FNDC1: variants seen among roughly 807,000 people sequenced by gnomAD.
FNDC1 encodes the protein fibronectin type III domain-containing protein 1.
A neutral mutation model predicts 168.0 loss-of-function variants in FNDC1; 96 were observed. The observed-to-expected ratio is 0.57, with a 90% CI of 0.48 to 0.68. The LOEUF (loss-of-function observed/expected upper bound fraction) is 0.68, where lower values mean the gene tolerates loss of function less well. Among genes scored for constraint, FNDC1 ranks in the 30% least tolerant of loss-of-function variants. The pLI, the probability that FNDC1 is intolerant of heterozygous loss-of-function variation, is 0.00. For missense variants in FNDC1, 2,587 were observed against 2,482.1 expected (o/e 1.04, Z -0.90); for synonymous variants, 1,099 against 1,025.9 (o/e 1.07, Z -1.36).
chr6:159,207,100 CA>C (rs1782501101), intron 4 of FNDC1, among the ~76,000 whole-genome samples: 1 of 152,134 alleles, frequency 6.6e-6, no homozygotes, highest in African/African-American at 2.4e-5. Flanking sequence ...TCCCTGCTGG[CA>C]CCCCCCCACC....
intron 12 of FNDC1, among the ~76,000 whole-genome samples, chr6:159,237,681 A>G (rs1783295250): frequency 6.6e-6 from 1 of 152,234 alleles, no homozygotes; most frequent in African/African-American, 2.4e-5. Flanking sequence ...AACAATTCAT[A>G]TTGAAATATA....
chr6:159,263,407 A>G lies in FNDC1; in HGVS notation c.5255-1568A>G, dbSNP rs568695789. ...CTAAAACAGCAATTTACTGTATGATATTTTTTTCAAAAATAAAAAAAGAAT... is the reference window on the plus strand; with the variant it reads ...CTAAAACAGCAATTTACTGTATGATGTTTTTTTCAAAAATAAAAAAAGAAT... On this transcript the variant is annotated intron_variant, in intron 19 of 22. Coordinates refer to ENST00000297267, the MANE Select transcript of FNDC1 (RefSeq NM_032532.3). 3.9e-4 allele frequency among the ~76,000 whole-genome samples: 60 copies of G among 152,190 alleles called. No individual in the cohort carries two copies. In the South Asian group the frequency reaches 9.8e-3, roughly 25 times the overall value.
chr6:159,226,652 T>C (rs558461173), intron 9 of FNDC1, 72 bp downstream of exon 9: 2 of 1,215,942 alleles, frequency 1.6e-6, no homozygotes, highest in South Asian at 2.9e-5. Context: ...ACGGCTTTGT[T>C]GACTGAAAAA....
At chr6:159,237,725 ACTT>A (rs1562303535) in intron 12 of FNDC1, among the ~76,000 whole-genome samples, 1 of 152,232 alleles carries the variant, frequency 6.6e-6, no homozygotes, top group Non-Finnish European at 1.5e-5. Context: ...CACCCAAACT[ACTT>A]CTCAAAGATA....
intron 14 of FNDC1, chr6:159,240,649 A>T (rs1271164429): frequency 6.6e-6 from 1 of 152,178 alleles, no homozygotes; most frequent in Non-Finnish European, 1.5e-5. Flanking sequence ...CCCTGATGTA[A>T]GTCTGTCTTC....
intron 22 of FNDC1, among the ~76,000 whole-genome samples, chr6:159,269,639 CTATCT>C (rs1229877704): frequency 3.4e-5 from 5 of 148,644 alleles, no homozygotes; most frequent in Admixed American, 1.3e-4. Context: ...ATCTATCTAT[CTATCT>C]ATCTATCTTA....
Position 159,201,686 on chromosome 6 carries a change from T to C in FNDC1, c.460+1105T>C, listed in dbSNP as rs532305526. ...TTCAGTAAAATGGTCAACAAGTTAGTACAGCTAGCAAGTGTGCAAAAGAAG... is the reference window on the plus strand; with the variant it reads ...TTCAGTAAAATGGTCAACAAGTTAGCACAGCTAGCAAGTGTGCAAAAGAAG... On this transcript the variant is annotated intron_variant, in intron 4 of 22. Coordinates refer to ENST00000297267, the MANE Select transcript of FNDC1 (RefSeq NM_032532.3). Among the ~76,000 whole-genome samples, 3 of 152,314 alleles carry C rather than the reference T, an allele frequency of 2.0e-5. 1 individual carries two copies. In the East Asian group the frequency reaches 5.8e-4, roughly 29 times the overall value.
chr6:159,171,196 G>A (rs1438678624), intron 1 of FNDC1, among the ~76,000 whole-genome samples: 1 of 152,158 alleles, frequency 6.6e-6, no homozygotes, highest in Non-Finnish European at 1.5e-5. Flanking sequence ...GAGGAATGCT[G>A]GGGCTGGACA....
chr6:159,193,526 G>C (rs1782181912), intron 1 of FNDC1, among the ~76,000 whole-genome samples: 2 of 152,116 alleles, frequency 1.3e-5, no homozygotes, highest in African/African-American at 2.4e-5. Flanking sequence ...GAGGTATGGT[G>C]CCCCATCTAC....
chr6:159,216,646 C>T (rs1019661916), intron 5 of FNDC1, among the ~76,000 whole-genome samples: 1 of 152,220 alleles, frequency 6.6e-6, no homozygotes, highest in Non-Finnish European at 1.5e-5. Context: ...GCCCTTTCAT[C>T]TCTGCCCCTC....
intron 21 of FNDC1, among the ~76,000 whole-genome samples, chr6:159,267,515 T>TA: frequency 6.6e-6 from 1 of 152,156 alleles, no homozygotes; most frequent in Admixed American, 6.5e-5. Flanking sequence ...CTTTTTTTTT[T>TA]AGAACTAAGG....
At chr6:159,239,995 C>T in intron 14 of FNDC1, 38 bp downstream of exon 14, 2 of 1,448,908 alleles carry the variant, frequency 1.4e-6, no homozygotes, top group South Asian at 2.9e-5. Flanking sequence ...ACTTACCAGG[C>T]ACACTAGCAC....
rs770196859 is a variant in FNDC1 at position 159,239,825 on chromosome 6, A to C, written c.4489A>C (p.Thr1497Pro). The C allele has an allele frequency of 3.9e-6, 6 of 1,546,216 alleles. No individual in the cohort carries two copies. ...AACCACAGTCCGAACCACTACGCGG[A>C]CAACCACCACCACCACCCCCACACC... The part of the protein sequence containing the change: ...PTTTVRTTTR[T>P]TTTTTPTPTT... Residue 1497 changes from threonine to proline, a missense_variant, in exon 14 of 23, where the codon ACA becomes CCA. Physicochemically the swap from Thr to Pro is conservative, Grantham distance 38 (BLOSUM62 -1). Coordinates refer to ENST00000297267, the MANE Select transcript of FNDC1 (RefSeq NM_032532.3).
chr6:159,264,216 C>T (rs1382024137), intron 19 of FNDC1, among the ~76,000 whole-genome samples: 1 of 152,248 alleles, frequency 6.6e-6, no homozygotes, highest in Non-Finnish European at 1.5e-5. Flanking sequence ...CCTCCTGCTA[C>T]TGTGCAATGC....
At chr6:159,231,615 A>G (rs1468771292) in intron 10 of FNDC1, among the ~76,000 whole-genome samples, 4 of 152,260 alleles carry the variant, frequency 2.6e-5, no homozygotes, top group Admixed American at 2.6e-4. Context: ...TTCTTCAAAT[A>G]ATAAGATGTG....
At position 159,256,270 on chromosome 6, in the gene FNDC1, G is replaced by A. The variant is rs544820369; in HGVS notation, c.5066-253G>A. On this transcript the variant is annotated intron_variant, in intron 17 of 22. Coordinates refer to ENST00000297267, the MANE Select transcript of FNDC1 (RefSeq NM_032532.3). The stretch of plus-strand genomic sequence containing the variant: ...AGTTCTGAGGCGATGGGGAAGGCTG[G>A]GGAATGAGCAAGAGAAGTAGGGGGC... Among the ~76,000 whole-genome samples the A allele has an allele frequency of 3.2e-4, 49 of 152,310 alleles. 1 individual carries two copies. The highest frequency in any genetic ancestry group is 3.1e-3 in the South Asian group (15 of 4,820).
chr6:159,202,302 A>G (rs1782396911), intron 4 of FNDC1, among the ~76,000 whole-genome samples: 2 of 152,242 alleles, frequency 1.3e-5, no homozygotes, highest in African/African-American at 4.8e-5. Context: ...CACAAATTAC[A>G]TTTCATTGTT....
chr6:159,174,109 A>C (rs1781714713), intron 1 of FNDC1, among the ~76,000 whole-genome samples: 1 of 152,244 alleles, frequency 6.6e-6, no homozygotes, highest in Non-Finnish European at 1.5e-5. Flanking sequence ...AAAGGTATAA[A>C]AGTAAAGGAG....
Position 159,267,844 on chromosome 6 carries a change from A to G in FNDC1, c.5487A>G (p.Glu1829=), listed in dbSNP as rs769226288. ...YSIGDSWGRG[E]DHCQFVDSHL... ...TTGGAGACAGCTGGGGAAGAGGTGA[A>G]GACCATTGCCAATTTGTGGATTCAC... The change falls in exon 22 of 23, where the codon GAA becomes GAG. Residue 1829 remains glutamate, a synonymous_variant. Transcript: ENST00000297267. 1 of 1,613,756 alleles carries G rather than the reference A, an allele frequency of 6.2e-7. No individual in the cohort carries two copies. The highest frequency in any genetic ancestry group is 1.1e-5 in the South Asian group (1 of 90,962).
Sources: allele counts gnomAD v4.1 joint callset (sites outside exome capture counted in the v4.1 genomes callset), GRCh38; gene constraint gnomAD v4.1.1; transcripts MANE v1.5; gene names NCBI Gene and HGNC (gene_info 2026-07-23, HGNC 2026-07-21).